NEMF: variants seen among roughly 807,000 people sequenced by gnomAD.
NEMF encodes nuclear export mediator factor, also known as ribosome quality control complex subunit NEMF.
In NEMF, 89 loss-of-function variants were observed where a neutral mutation model predicts 162.2. The ratio of observed to expected loss-of-function variants is 0.55; its 90% CI spans 0.46 to 0.65. The LOEUF (loss-of-function observed/expected upper bound fraction) is 0.65, where lower values mean the gene tolerates loss of function less well. NEMF is among the 30% of genes least tolerant of loss of function. The pLI, the probability that NEMF is intolerant of heterozygous loss-of-function variation, is 0.00. For synonymous variants in NEMF, 421 were observed against 404.5 expected, an observed-to-expected ratio of 1.04 and a Z score of -0.49; for missense variants, 1,133 against 1,261.9, an observed-to-expected ratio of 0.90 and a Z score of 1.55.
chr14:49,796,054 T>A, intron 25 of NEMF, 110 bp from the exon 26 acceptor site: 1 of 717,946 alleles, frequency 1.4e-6, no homozygotes, highest in Non-Finnish European at 2.3e-6. Context: ...GGTCATGGCT[T>A]CTGCTTCACT....
intron 4 of NEMF, among the ~76,000 whole-genome samples, chr14:49,843,310 G>T (rs1159005964): frequency 1.3e-5 from 2 of 151,842 alleles, no homozygotes; most frequent in African/African-American, 4.8e-5. Flanking sequence ...CCTGGGCAAC[G>T]AAGTGAGAGT....
Position 49,783,904 on chromosome 14 carries a change from C to T in NEMF, c.*732G>A, listed in dbSNP as rs1258119441. The T allele has an allele frequency of 6.6e-6, 1 of 152,082 alleles. No individual in the cohort carries two copies. Among genetic ancestry groups the T allele is most frequent in the Non-Finnish European group, 1.5e-5 (1 of 67,990 alleles). The allele number at this position is 152,082 out of a possible 1,614,324, so 9.4% of individuals were successfully genotyped here. ...AAGCAGAAGAAAATCCACTCCAATACTTAGTTTTCAAGACACAATCCTAAA... is the reference window on the plus strand; with the variant it reads ...AAGCAGAAGAAAATCCACTCCAATATTTAGTTTTCAAGACACAATCCTAAA... On this transcript the variant is annotated 3_prime_UTR_variant, in exon 33 of 33. Coordinates refer to ENST00000298310, the MANE Select transcript of NEMF (RefSeq NM_004713.6).
rs369485524 is a variant in NEMF at position 49,787,309 on chromosome 14, T to C, written c.2896-559A>G. Reference sequence around the variant, plus strand: ...TGTATAATTTAGAAACAACAGAAATTTTACTTCTTACAGTTCTGAAGGCTG... The same window carrying C: ...TGTATAATTTAGAAACAACAGAAATCTTACTTCTTACAGTTCTGAAGGCTG... On this transcript the variant is annotated intron_variant, in intron 28 of 32. Coordinates refer to ENST00000298310, the MANE Select transcript of NEMF (RefSeq NM_004713.6). 6.5e-4 allele frequency: 99 copies of C among 152,830 alleles called. 1 individual carries two copies. The South Asian group carries it at 0.019, about 30-fold the overall frequency. The allele number at this position is 152,830 out of a possible 1,614,324, so 9.5% of individuals were successfully genotyped here. A position where few individuals can be genotyped will look rare whatever the true frequency, so the allele number is the denominator to read the frequency against.
intron 15 of NEMF, among the ~76,000 whole-genome samples, chr14:49,826,981 A>T (rs528355502): frequency 1.3e-5 from 2 of 152,228 alleles, no homozygotes; most frequent in South Asian, 4.2e-4. Flanking sequence ...AAGGGCAAAG[A>T]CCCTGAGAGG....
In NEMF at chr14:49,782,435, A is replaced by G; in HGVS notation, c.*2201T>C. The G allele has an allele frequency of 6.2e-7, 1 of 1,612,218 alleles. No individual in the cohort carries two copies. Among genetic ancestry groups the G allele is most frequent in the Non-Finnish European group, 8.5e-7 (1 of 1,178,426 alleles). Reference sequence around the variant, plus strand: ...ATTGTTTTTGGTGGATGTGCCAACAACTTGCTTGTCCATCACAGAGCTGTA... The same window carrying G: ...ATTGTTTTTGGTGGATGTGCCAACAGCTTGCTTGTCCATCACAGAGCTGTA... On this transcript the variant is annotated 3_prime_UTR_variant, in exon 33 of 33. Coordinates refer to ENST00000298310, the MANE Select transcript of NEMF (RefSeq NM_004713.6).
intron 16 of NEMF, among the ~76,000 whole-genome samples, chr14:49,822,000 A>G (rs1249805371): frequency 3.3e-5 from 5 of 152,068 alleles, no homozygotes; most frequent in African/African-American, 9.7e-5. Flanking sequence ...CTGTTGATCT[A>G]TGACCTTACC....
At chr14:49,786,679 T>A (rs775418551) in intron 29 of NEMF, 39 bp downstream of exon 29, 1 of 1,563,688 alleles carries the variant, frequency 6.4e-7, no homozygotes, top group South Asian at 1.1e-5. Flanking sequence ...TGAATTGTAA[T>A]CACAGTGTTG....
At chr14:49,812,093 C>T (rs1313710112) in intron 18 of NEMF, among the ~76,000 whole-genome samples, 1 of 152,086 alleles carries the variant, frequency 6.6e-6, no homozygotes, top group Non-Finnish European at 1.5e-5. Flanking sequence ...AATCCAATCT[C>T]TGTACTTACA....
At position 49,829,196 on chromosome 14, in the gene NEMF, C is replaced by T. The variant is rs763208222; in HGVS notation, c.1090G>A (p.Val364Ile). The T allele has an allele frequency of 6.2e-7, 1 of 1,614,046 alleles. No individual in the cohort carries two copies. The highest frequency in any genetic ancestry group is 2.2e-5 in the East Asian group (1 of 44,886). ...TGGTTAGCTAAAGCACTTCGAACTA[C>T]CTGAATGGCTCTGTCAACTATTTGT... ...NLQIVDRAIQ[V>I]VRSALANQID... The change falls in exon 13 of 33, where the codon GTA becomes ATA. Residue 364 changes from valine (V) to isoleucine (I), a missense_variant. By Grantham distance (29) the Val-to-Ile change is conservative. Around this residue, in one of 3 missense-constraint regions of NEMF, gnomAD observed 582 missense variants for 631.5 expected, o/e 0.92. Transcript: ENST00000298310.
chr14:49,852,450 G>A (rs1382186075), intron 1 of NEMF, among the ~76,000 whole-genome samples: 1 of 152,240 alleles, frequency 6.6e-6, no homozygotes, highest in Non-Finnish European at 1.5e-5. Flanking sequence ...CAAGAGCTTC[G>A]CGCTAGCGGG....
intron 16 of NEMF, among the ~76,000 whole-genome samples, chr14:49,822,476 G>A (rs985653082): frequency 4.0e-5 from 6 of 150,472 alleles, no homozygotes; most frequent in African/African-American, 9.8e-5. Flanking sequence ...AGCCAAGATC[G>A]CACCACTGCA....
intron 17 of NEMF, 35 bp from the exon 18 acceptor site, chr14:49,814,085 G>T: frequency 3.3e-6 from 4 of 1,194,534 alleles, no homozygotes; most frequent in Non-Finnish European, 3.7e-6. Flanking sequence ...GACACTTTAA[G>T]TCCTAATTAT....
chr14:49,786,591 A>G lies in NEMF; in HGVS notation c.2928+127T>C. ...TAGCAGAGTTGGGATTAAGACCCCG[A>G]AAGTTTGACTTCGTAGCCTGCAGTC... On this transcript the variant is annotated intron_variant, in intron 29 of 32. Coordinates refer to ENST00000298310, the MANE Select transcript of NEMF (RefSeq NM_004713.6). 6 of 845,552 alleles carry G rather than the reference A, an allele frequency of 7.1e-6. 1 individual carries two copies. The highest frequency in any genetic ancestry group is 1.1e-5 in the Non-Finnish European group (6 of 523,338). The allele number at this position is 845,552 out of a possible 1,614,324, so 52.4% of individuals were successfully genotyped here.
rs760460736 is a variant in NEMF at position 49,828,144 on chromosome 14, A to G, written c.1488+147T>C. The G allele has an allele frequency of 9.8e-5, 66 of 674,776 alleles. 2 individuals are homozygous for G. The highest frequency in any genetic ancestry group is 4.5e-4 in the South Asian group (26 of 57,374). The allele number at this position is 674,776 out of a possible 1,614,324, so 41.8% of individuals were successfully genotyped here. Reference sequence around the variant, plus strand: ...GGAGGAGCAGTCCTGGGGGGAAAAAATACTGGAAATACATATATTTAAAGC... The same window carrying G: ...GGAGGAGCAGTCCTGGGGGGAAAAAGTACTGGAAATACATATATTTAAAGC... On this transcript the variant is annotated intron_variant, in intron 15 of 32. Coordinates refer to ENST00000298310, the MANE Select transcript of NEMF (RefSeq NM_004713.6).
At chr14:49,844,425 C>G (rs1168503908) in intron 4 of NEMF, among the ~76,000 whole-genome samples, 1 of 152,118 alleles carries the variant, frequency 6.6e-6, no homozygotes, top group Non-Finnish European at 1.5e-5. Flanking sequence ...GTTCCACAGA[C>G]CAGTTCCAGT....
At chr14:49,851,514 T>G (rs759816455) in intron 3 of NEMF, 49 bp downstream of exon 3, 1 of 1,272,818 alleles carries the variant, frequency 7.9e-7, no homozygotes. Flanking sequence ...AAAACTTAAT[T>G]GTTAGTGAGC....
chr14:49,829,279 C>T lies in NEMF; in HGVS notation c.1024-17G>A. On this transcript the variant is annotated splice_polypyrimidine_tract_variant and intron_variant, in intron 12 of 32. Coordinates refer to ENST00000298310, the MANE Select transcript of NEMF (RefSeq NM_004713.6). Reference sequence around the variant, plus strand: ...GTCTATTTCCTTAAAAAACAAACCACACACATTTACTACATTGCCAGTTAA... The same window carrying T: ...GTCTATTTCCTTAAAAAACAAACCATACACATTTACTACATTGCCAGTTAA... The T allele has an allele frequency of 6.2e-7, 1 of 1,613,466 alleles. No individual in the cohort carries two copies. The highest frequency in any genetic ancestry group is 8.5e-7 in the Non-Finnish European group (1 of 1,179,472).
At chr14:49,835,396 G>A (rs1180038138) in intron 6 of NEMF, among the ~76,000 whole-genome samples, 1 of 152,070 alleles carries the variant, frequency 6.6e-6, no homozygotes, top group East Asian at 1.9e-4. Flanking sequence ...ACTCCATATT[G>A]ATAAAATAAA....
chr14:49,790,783 A>G (rs923495540), intron 26 of NEMF, among the ~76,000 whole-genome samples: 19 of 152,122 alleles, frequency 1.2e-4, no homozygotes, highest in Non-Finnish European at 2.6e-4. Flanking sequence ...TGAGGTCAGG[A>G]GTTCAAGACC....
Sources: allele counts gnomAD v4.1 joint callset (sites outside exome capture counted in the v4.1 genomes callset), GRCh38; gene constraint gnomAD v4.1.1; regional missense constraint gnomAD v4.1.1; transcripts MANE v1.5; gene names NCBI Gene and HGNC (gene_info 2026-07-23, HGNC 2026-07-21).